Variants in DNM2 observed in about 807,000 individuals in gnomAD.
DNM2 encodes the protein dynamin 2, also known as dynamin-2.
Under a neutral mutation model 99.0 loss-of-function variants are expected in DNM2, and 15 were observed. The ratio of observed to expected loss-of-function variants is 0.15; its 90% confidence interval spans 0.10 to 0.23. The LOEUF (loss-of-function observed/expected upper bound fraction) is 0.23. Ranked by LOEUF, DNM2 falls within the 10% of genes least tolerant of loss-of-function variation. The pLI is 1.00. For synonymous variants in DNM2, 525 were observed against 481.2 expected (o/e 1.09, Z -1.19); for missense variants, 742 against 1,189.4 (o/e 0.62, Z 5.53).
chr19:10,809,336 C>A (rs987829419), intron 14 of DNM2: 1 of 152,298 alleles, frequency 6.6e-6, no homozygotes, highest in Non-Finnish European at 1.5e-5. Flanking sequence ...TTTCTCCTAT[C>A]CTTGGCCTGT....
Position 10,718,132 on chromosome 19 carries a change from C to CGA in DNM2, c.-109_-108dup. 6 of 1,190,464 alleles carry CGA rather than the reference C, an allele frequency of 5.0e-6. No homozygotes were observed. The highest frequency in any genetic ancestry group is 6.4e-6 in the Non-Finnish European group (6 of 943,314). The allele number at this position is 1,190,464 out of a possible 1,614,324, so 73.7% of individuals were successfully genotyped here. On this transcript the variant is annotated 5_prime_UTR_variant, in exon 1 of 21. Transcript: ENST00000389253. ...GCCGAGCCGGGAGCGGGCGTCTTGC[C>CGA]GAGGCCCGGGCGGGCGGGGAGCAAC...
chr19:10,725,931 A>AT (rs1017184182), intron 1 of DNM2, among the ~76,000 whole-genome samples: 1 of 151,906 alleles, frequency 6.6e-6, no homozygotes, highest in Non-Finnish European at 1.5e-5. Context: ...TTACAAAAAA[A>AT]TTTTTTTGGC....
chr19:10,719,450 T>G (rs772662425), intron 1 of DNM2, among the ~76,000 whole-genome samples: 7 of 152,126 alleles, frequency 4.6e-5, no homozygotes, highest in Non-Finnish European at 1.0e-4. Context: ...TGGCTAGCGC[T>G]GGGATGTAGC....
chr19:10,733,481 C>T (rs904676855), intron 1 of DNM2, among the ~76,000 whole-genome samples: 1 of 152,004 alleles, frequency 6.6e-6, no homozygotes, highest in African/African-American at 2.4e-5. Context: ...GCATGAGCCA[C>T]AACGCCCTGC....
chr19:10,778,653 A>G (rs2071239301), intron 5 of DNM2, among the ~76,000 whole-genome samples: 1 of 142,718 alleles, frequency 7.0e-6, no homozygotes, highest in Admixed American at 7.0e-5. Flanking sequence ...TCTTGCCTCT[A>G]AAAAAAAAAA....
At chr19:10,791,135 C>G (rs2071740280) in intron 7 of DNM2, among the ~76,000 whole-genome samples, 1 of 152,068 alleles carries the variant, frequency 6.6e-6, no homozygotes, top group Non-Finnish European at 1.5e-5. Context: ...GTTGCCCAGG[C>G]TGGAGTGCAC....
At chr19:10,780,009 G>A (rs866402578) in intron 5 of DNM2, among the ~76,000 whole-genome samples, 7 of 151,854 alleles carry the variant, frequency 4.6e-5, no homozygotes, top group Admixed American at 2.0e-4. Flanking sequence ...TCTAAGCTGC[G>A]GGCACCTCCT....
chr19:10,795,466 T>G lies in DNM2; in HGVS notation c.1196+27T>G. 6.2e-7 allele frequency: 1 copy of G among 1,613,522 alleles called. No homozygotes were observed. Among genetic ancestry groups the G allele is most frequent in the Non-Finnish European group, 8.5e-7 (1 of 1,179,564 alleles). On this transcript the variant is annotated intron_variant, in intron 9 of 20. Coordinates refer to ENST00000389253, the MANE Select transcript of DNM2 (RefSeq NM_001005361.3). This position sits in a 1 kb window ranked among gnomAD's most constrained non-coding sequence, Gnocchi z 4.2. ...CAAGTTCCACGAGGAGAGTCACCAC[T>G]GTTCCTTCCTCTCCGTGGTGCGACC... is the stretch of plus-strand genomic sequence containing the variant.
chr19:10,745,531 AAC>A (rs1317793382), intron 1 of DNM2, among the ~76,000 whole-genome samples: 2 of 152,056 alleles, frequency 1.3e-5, no homozygotes, highest in East Asian at 3.9e-4. Context: ...ACTACAGAAA[AAC>A]ACAAATAAAA....
At chr19:10,740,586 G>A (rs2069708781) in intron 1 of DNM2, among the ~76,000 whole-genome samples, 2 of 152,156 alleles carry the variant, frequency 1.3e-5, no homozygotes, top group Non-Finnish European at 2.9e-5. Context: ...ATGTTGGTGA[G>A]GCTGGTCTCA....
chr19:10,831,281 G>A lies in DNM2; in HGVS notation c.*234G>A. 7.7e-7 allele frequency: 1 copy of A among 1,299,036 alleles called. No individual in the cohort carries two copies. Among genetic ancestry groups the A allele is most frequent in the Non-Finnish European group, 9.7e-7 (1 of 1,025,914 alleles). The allele number at this position is 1,299,036 out of a possible 1,614,324, so 80.5% of individuals were successfully genotyped here. A position where few individuals can be genotyped will look rare whatever the true frequency, so the allele number is the denominator to read the frequency against. ...GGGGGCGCTGGGGTGTTGCACTTTG[G>A]GGGATGGAGTCTCAGGGTGGCAGAG... On this transcript the variant is annotated 3_prime_UTR_variant, in exon 21 of 21. Transcript: ENST00000389253. This position sits in a 1 kb window ranked among gnomAD's most constrained non-coding sequence, Gnocchi z 4.3.
intron 1 of DNM2, among the ~76,000 whole-genome samples, chr19:10,750,250 G>A (rs554549031): frequency 1.3e-5 from 2 of 152,194 alleles, no homozygotes; most frequent in Admixed American, 1.3e-4. Context: ...AGGCCGATGC[G>A]GGAAGATTGC....
In DNM2 at chr19:10,812,568, C is replaced by G. The variant is rs1488909707; in HGVS notation, c.1671+191C>G. The stretch of plus-strand genomic sequence containing the variant: ...CTTTGGGAGGGCGAGGCAGGTAGAT[C>G]ACGAGGTCGGGAGTTTGAGACCAGC... On this transcript the variant is annotated intron_variant, in intron 15 of 20. Transcript: ENST00000389253. This position sits in a 1 kb window ranked among gnomAD's most constrained non-coding sequence, Gnocchi z 4.0. 6.6e-6 allele frequency among the ~76,000 whole-genome samples: 1 copy of G among 152,168 alleles called. No homozygotes were observed. Among genetic ancestry groups the G allele is most frequent in the Non-Finnish European group, 1.5e-5 (1 of 68,042 alleles).
chr19:10,825,674 AAGAGAGAG>A (rs561156273), intron 18 of DNM2, among the ~76,000 whole-genome samples: 3 of 139,070 alleles, frequency 2.2e-5, no homozygotes, highest in South Asian at 2.2e-4. Flanking sequence ...GTCTCAAGAA[AAGAGAGAG>A]AGAGAGAGAG....
At position 10,799,597 on chromosome 19, in the gene DNM2, G is replaced by C. The variant is rs1206966151; in HGVS notation, c.1422+1025G>C. On this transcript the variant is annotated intron_variant, in intron 11 of 20. Transcript: ENST00000389253. ...CGCCCAGGCTGGGGTGCAGTGGCAC[G>C]ATCTTGACTCACTGCCACCTCCACT... Among the ~76,000 whole-genome samples, 18 of 147,690 alleles carry C rather than the reference G, an allele frequency of 1.2e-4. No individual in the cohort carries two copies. The Admixed American group carries it at 1.2e-3, about 10-fold the overall frequency.
At chr19:10,824,751 G>C in intron 17 of DNM2, 1 of 430,030 alleles carries the variant, frequency 2.3e-6, no homozygotes, top group Non-Finnish European at 4.4e-6. Context: ...TGAGGCTGCG[G>C]TGAACTGTGT....
intron 1 of DNM2, among the ~76,000 whole-genome samples, chr19:10,743,813 A>AAC (rs1771860605): frequency 7.0e-6 from 1 of 142,024 alleles, no homozygotes; most frequent in Non-Finnish European, 1.5e-5. Context: ...CTGTCTCAAA[A>AAC]AAAAAAAAAA....
chr19:10,808,264 G>A (rs372106709), intron 13 of DNM2, among the ~76,000 whole-genome samples: 26 of 152,236 alleles, frequency 1.7e-4, no homozygotes, highest in South Asian at 1.2e-3. Context: ...TACCTTGCAC[G>A]ATCATAGAGC....
intron 15 of DNM2, among the ~76,000 whole-genome samples, chr19:10,815,372 G>A (rs1001818105): frequency 9.8e-5 from 15 of 152,306 alleles, no homozygotes; most frequent in East Asian, 9.7e-4. Flanking sequence ...CTTGACACCC[G>A]GAAGTCACCA....
Sources: gnomAD v4.1 joint callset for allele counts (sites outside exome capture counted in the v4.1 genomes callset) on GRCh38, gnomAD v4.1.1 for gene constraint, Gnocchi (gnomAD v3.1) non-coding constraint, MANE v1.5 for transcripts, NCBI Gene and HGNC (gene_info 2026-07-23, HGNC 2026-07-21) for gene names.